The following STXBP5L variants were observed in gnomAD, a reference collection of about 807,000 sequenced individuals.
STXBP5L encodes syntaxin binding protein 5L, also known as syntaxin-binding protein 5-like.
A neutral mutation model predicts 144.5 loss-of-function variants in STXBP5L; 65 were observed. That is an observed-to-expected ratio of 0.45 (90% confidence interval 0.37 to 0.55). STXBP5L has a LOEUF of 0.55. Ranked by LOEUF, STXBP5L falls within the 20% of genes least tolerant of loss-of-function variation. The probability of loss-of-function intolerance (pLI) is 0.00; values close to 1 mark genes in which losing one functional copy is unlikely to be tolerated. For synonymous variants in STXBP5L, 505 were observed against 469.6 expected, an observed-to-expected ratio of 1.08 and a Z score of -0.97; for missense variants, 1,298 against 1,405.5, an observed-to-expected ratio of 0.92 and a Z score of 1.22.
At chr3:120,962,767 T>G (rs1939018171) in intron 3 of STXBP5L, among the ~76,000 whole-genome samples, 3 of 152,244 alleles carry the variant, frequency 2.0e-5, no homozygotes, top group Non-Finnish European at 1.5e-5. Context: ...CAGGCCCTTT[T>G]TTGGTTCCAT....
At chr3:121,132,009 C>T (rs1246614273) in intron 7 of STXBP5L, among the ~76,000 whole-genome samples, 1 of 152,188 alleles carries the variant, frequency 6.6e-6, no homozygotes, top group Non-Finnish European at 1.5e-5. Context: ...GTTGCAGCTT[C>T]ACCTAAGGGA....
At chr3:121,190,231 A>T (rs1418691199) in intron 9 of STXBP5L, among the ~76,000 whole-genome samples, 2 of 152,110 alleles carry the variant, frequency 1.3e-5, no homozygotes, top group African/African-American at 4.8e-5. Flanking sequence ...TGTCCCTGGG[A>T]ACTAGGGATT....
At chr3:121,303,981 A>G (rs2043240416) in intron 19 of STXBP5L, among the ~76,000 whole-genome samples, 1 of 152,068 alleles carries the variant, frequency 6.6e-6, no homozygotes, top group Non-Finnish European at 1.5e-5. Flanking sequence ...ATACATATGT[A>G]ACAAACCTGC....
intron 11 of STXBP5L, among the ~76,000 whole-genome samples, chr3:121,230,986 G>T (rs192248241): frequency 6.6e-6 from 1 of 152,072 alleles, no homozygotes; most frequent in Non-Finnish European, 1.5e-5. Context: ...ATTACCTAAG[G>T]TTCCTAGATC....
intron 5 of STXBP5L, among the ~76,000 whole-genome samples, chr3:121,076,196 C>T (rs534327000): frequency 3.0e-4 from 45 of 152,234 alleles, no homozygotes; most frequent in Middle Eastern, 3.4e-3. Context: ...CTAAGGCAGC[C>T]GACCTCATCC....
chr3:121,077,268 A>C (rs1195592688), intron 5 of STXBP5L, among the ~76,000 whole-genome samples: 1 of 152,136 alleles, frequency 6.6e-6, no homozygotes, highest in African/African-American at 2.4e-5. Context: ...CGGGGCAATC[A>C]AAGACTGGAG....
chr3:120,911,991 A>G (rs1708864594), intron 2 of STXBP5L, among the ~76,000 whole-genome samples: 2 of 151,950 alleles, frequency 1.3e-5, no homozygotes, highest in Admixed American at 1.3e-4. Context: ...GGGTGCTTCT[A>G]CCTTTTCAAC....
chr3:121,196,616 A>G (rs1181379345), intron 9 of STXBP5L, among the ~76,000 whole-genome samples: 1 of 151,538 alleles, frequency 6.6e-6, no homozygotes, highest in South Asian at 2.1e-4. Context: ...TTATTTTTCT[A>G]TATTTTAATG....
chr3:121,022,886 G>A (rs1310860262), intron 3 of STXBP5L, among the ~76,000 whole-genome samples: 3 of 152,034 alleles, frequency 2.0e-5, no homozygotes, highest in Non-Finnish European at 4.4e-5. Context: ...AGTCAACATA[G>A]TACTGGAAAT....
At chr3:121,028,922 A>C (rs1946161290) in intron 3 of STXBP5L, among the ~76,000 whole-genome samples, 1 of 152,132 alleles carries the variant, frequency 6.6e-6, no homozygotes, top group African/African-American at 2.4e-5. Flanking sequence ...TTATTCTCCC[A>C]TTCACAATTG....
At chr3:121,106,965 G>T (rs1385346213) in intron 5 of STXBP5L, among the ~76,000 whole-genome samples, 5 of 152,050 alleles carry the variant, frequency 3.3e-5, no homozygotes, top group Non-Finnish European at 7.4e-5. Flanking sequence ...ATTACATTGT[G>T]GTTTTGATTT....
chr3:121,127,923 A>G (rs1436612020), intron 7 of STXBP5L, among the ~76,000 whole-genome samples: 1 of 152,022 alleles, frequency 6.6e-6, no homozygotes. Context: ...ATTTCCTCGT[A>G]TGATGATGTT....
chr3:120,912,012 C>G (rs924390560), intron 2 of STXBP5L, among the ~76,000 whole-genome samples: 3 of 151,968 alleles, frequency 2.0e-5, no homozygotes, highest in African/African-American at 4.8e-5. Flanking sequence ...ATGGGCAAAA[C>G]TAAAGTATAA....
intron 22 of STXBP5L, among the ~76,000 whole-genome samples, chr3:121,398,722 G>A (rs923228853): frequency 3.3e-5 from 5 of 152,136 alleles, no homozygotes; most frequent in Admixed American, 1.3e-4. Context: ...TGCCAACAAA[G>A]TAGCTTTATG....
At chr3:121,184,274 A>G (rs1215769498) in intron 9 of STXBP5L, among the ~76,000 whole-genome samples, 1 of 150,844 alleles carries the variant, frequency 6.6e-6, no homozygotes, top group African/African-American at 2.4e-5. Context: ...CTCCAAGCTA[A>G]AGGAGCATGT....
At chr3:121,131,053 T>G (rs2044965687) in intron 7 of STXBP5L, among the ~76,000 whole-genome samples, 1 of 152,010 alleles carries the variant, frequency 6.6e-6, no homozygotes, top group Non-Finnish European at 1.5e-5. Flanking sequence ...AGAACTTCAG[T>G]TAGTTCTGAT....
Position 121,239,181 on chromosome 3 carries a change from A to G in STXBP5L, c.1332+63A>G, listed in dbSNP as rs911083720. On this transcript the variant is annotated intron_variant, in intron 13 of 26. Coordinates refer to ENST00000471454, the MANE Select transcript of STXBP5L (RefSeq NM_001308330.2). ...ATATCACATGATCATACTTTTTTCC[A>G]TTACTTTATTTTCTTACATTCCATA... 13 of 991,472 alleles carry G rather than the reference A, an allele frequency of 1.3e-5. No individual in the cohort carries two copies. In the African/African-American group the frequency reaches 1.9e-4, roughly 14 times the overall value. The allele number at this position is 991,472 out of a possible 1,614,324, so 61.4% of individuals were successfully genotyped here. A position where few individuals can be genotyped will look rare whatever the true frequency, so the allele number is the denominator to read the frequency against.
intron 5 of STXBP5L, among the ~76,000 whole-genome samples, chr3:121,093,913 C>G (rs980521311): frequency 4.6e-5 from 7 of 152,102 alleles, no homozygotes; most frequent in Non-Finnish European, 7.3e-5. Flanking sequence ...GCATTTAGTG[C>G]TATACATTTC....
chr3:120,953,636 C>A (rs1230802563), intron 2 of STXBP5L, among the ~76,000 whole-genome samples: 1 of 151,788 alleles, frequency 6.6e-6, no homozygotes, highest in African/African-American at 2.4e-5. Context: ...CTGTGCCTAG[C>A]CCACAATTGA....
Sources: allele counts gnomAD v4.1 joint callset (sites outside exome capture counted in the v4.1 genomes callset), GRCh38; gene constraint gnomAD v4.1.1; transcripts MANE v1.5; gene names NCBI Gene and HGNC (gene_info 2026-07-23, HGNC 2026-07-21).